NOTCH1: variants seen among roughly 807,000 people sequenced by gnomAD.
NOTCH1 encodes the protein neurogenic locus notch homolog protein 1.
A neutral mutation model predicts 254.8 loss-of-function variants in NOTCH1; 37 were observed. The observed-to-expected ratio is 0.15, with a 90% CI of 0.11 to 0.19. The LOEUF is 0.19. NOTCH1 is among the 10% of genes least tolerant of loss of function. The probability of loss-of-function intolerance (pLI) is 1.00; values close to 1 mark genes in which losing one functional copy is unlikely to be tolerated. For missense variants in NOTCH1, 2,972 were observed against 3,708.6 expected (o/e 0.80, Z 5.16); for synonymous variants, 1,731 against 1,618.1 (o/e 1.07, Z -1.68).
chr9:136,522,363 C>T (rs7048814), intron 4 of NOTCH1, among the ~76,000 whole-genome samples: 87,156 of 152,076 alleles, frequency 0.57, 26,992 homozygotes, highest in East Asian at 0.9. Flanking sequence ...GAGGCTCCTA[C>T]GTACAACACG....
At position 136,500,425 on chromosome 9, in the gene NOTCH1, C is replaced by T. The variant is rs1842977103; in HGVS notation, c.5934+127G>A. Reference sequence around the variant, plus strand: ...TGACTGCGAAGGTCCCAGGTGGAGGCACCAGTTGTCCCGGACTCAGCTGTG... The same window carrying T: ...TGACTGCGAAGGTCCCAGGTGGAGGTACCAGTTGTCCCGGACTCAGCTGTG... On this transcript the variant is annotated intron_variant, in intron 31 of 33. Coordinates refer to ENST00000651671, the MANE Select transcript of NOTCH1 (RefSeq NM_017617.5). 4.9e-5 allele frequency: 57 copies of T among 1,169,914 alleles called. 1 individual carries two copies. The South Asian group carries it at 6.8e-4, about 14-fold the overall frequency. 72.5% of individuals were successfully genotyped at this position (1,169,914 alleles called of 1,614,324 possible). A position where few individuals can be genotyped will look rare whatever the true frequency, so the allele number is the denominator to read the frequency against.
At chr9:136,519,778 G>A (rs1843337816) in intron 4 of NOTCH1, among the ~76,000 whole-genome samples, 1 of 152,244 alleles carries the variant, frequency 6.6e-6, no homozygotes, top group Admixed American at 6.5e-5. Context: ...GCTAAACAGG[G>A]ACTCAGGAAC....
intron 2 of NOTCH1, among the ~76,000 whole-genome samples, chr9:136,535,969 G>A (rs1843649131): frequency 1.4e-5 from 2 of 143,706 alleles, no homozygotes; most frequent in Admixed American, 7.2e-5. Flanking sequence ...ATCCCTCCTG[G>A]GGCAATGGGT....
At chr9:136,502,752 T>C (rs1288027949) in intron 27 of NOTCH1, 4 of 572,152 alleles carry the variant, frequency 7.0e-6, no homozygotes, top group Non-Finnish European at 1.2e-5. Flanking sequence ...TTAGTCAACT[T>C]CAAATCGCTG....
Position 136,523,196 on chromosome 9 carries a change from C to G in NOTCH1, c.404-8G>C, listed in dbSNP as rs1259109530. ...CCTGCTGGCACGATTTCCCTGGAGA[C>G]AAGGGGACAAGAGGGTCGTGCTGGC... On this transcript the variant is annotated splice_polypyrimidine_tract_variant and splice_region_variant and intron_variant, in intron 3 of 33. Transcript: ENST00000651671. The G allele has an allele frequency of 6.3e-7, 1 of 1,592,628 alleles. No individual in the cohort carries two copies. The highest frequency in any genetic ancestry group is 1.1e-5 in the South Asian group (1 of 87,898).
intron 2 of NOTCH1, among the ~76,000 whole-genome samples, chr9:136,527,748 C>A (rs1405061237): frequency 5.3e-5 from 8 of 152,214 alleles, no homozygotes; most frequent in Non-Finnish European, 1.0e-4. Context: ...CTGTCCCATC[C>A]CCCACGCTCA....
Position 136,500,843 on chromosome 9 carries a change from G to T in NOTCH1, c.5643C>A (p.Gly1881=). The change falls in exon 31 of 34, where the codon GGC becomes GGA. Residue 1881 remains glycine, a synonymous_variant. Coordinates refer to ENST00000651671, the MANE Select transcript of NOTCH1 (RefSeq NM_017617.5). ...CMDVNVRGPD[G]FTPLMIASCS... ...AGGAGGCGATCATGAGCGGGGTGAA[G>T]CCATCTGCAGAGGCAGAGACGGGTG... The T allele has an allele frequency of 6.3e-7, 1 of 1,592,526 alleles. No homozygotes were observed.
chr9:136,545,742 G>C lies in NOTCH1; in HGVS notation c.45C>G (p.Pro15=), dbSNP rs764936481. The part of the protein sequence containing the change: ...LAPLLCLALL[P]ALAARGPRCS... ...GGCGCCTACCTCGTGCGGCGAGCGC[G>C]GGCAGCAGCGCCAGGCAGAGCAGGG... Residue 15 remains proline, a synonymous_variant, in exon 1 of 34, where the codon CCC becomes CCG. Coordinates refer to ENST00000651671, the MANE Select transcript of NOTCH1 (RefSeq NM_017617.5). The surrounding 1 kb of genome is among the most constrained non-coding windows in gnomAD (Gnocchi z 6.8). 33 of 1,423,884 alleles carry C rather than the reference G, an allele frequency of 2.3e-5. 1 individual carries two copies. The South Asian group carries it at 4.6e-4, about 20-fold the overall frequency. 88.2% of individuals were successfully genotyped at this position (1,423,884 alleles called of 1,614,324 possible).
chr9:136,518,447 A>C lies in NOTCH1; in HGVS notation c.1099+144T>G, dbSNP rs1309028355. 3.5e-6 allele frequency: 4 copies of C among 1,135,752 alleles called. No homozygotes were observed. The Admixed American group carries it at 8.0e-5, about 23-fold the overall frequency. The allele number at this position is 1,135,752 out of a possible 1,614,324, so 70.4% of individuals were successfully genotyped here. A position where few individuals can be genotyped will look rare whatever the true frequency, so the allele number is the denominator to read the frequency against. On this transcript the variant is annotated intron_variant, in intron 6 of 33. Coordinates refer to ENST00000651671, the MANE Select transcript of NOTCH1 (RefSeq NM_017617.5). Reference sequence around the variant, plus strand: ...ACACTTGGGACGTTCCGGGGGACTCACAGCGACCACCGGCCTCCCTGACCA... The same window carrying C: ...ACACTTGGGACGTTCCGGGGGACTCCCAGCGACCACCGGCCTCCCTGACCA...
At chr9:136,499,980 T>C (rs951964510) in intron 31 of NOTCH1, among the ~76,000 whole-genome samples, 5 of 152,192 alleles carry the variant, frequency 3.3e-5, no homozygotes, top group African/African-American at 1.2e-4. Context: ...TGAACCTGCT[T>C]GCTCCAGGGC....
chr9:136,521,199 GC>G (rs1288178531), intron 4 of NOTCH1, among the ~76,000 whole-genome samples: 1 of 152,108 alleles, frequency 6.6e-6, no homozygotes, highest in East Asian at 1.9e-4. Context: ...ATTTGGGGAG[GC>G]CCCCGGATGG....
At chr9:136,515,841 T>C in intron 10 of NOTCH1, 125 bp from the exon 11 acceptor site, 1 of 1,122,022 alleles carries the variant, frequency 8.9e-7, no homozygotes, top group Non-Finnish European at 1.2e-6. Context: ...TCCCACCTAC[T>C]CAGGATTGGG....
intron 22 of NOTCH1, 44 bp from the exon 23 acceptor site, chr9:136,507,017 C>G (rs192608210): frequency 6.3e-7 from 1 of 1,585,376 alleles, no homozygotes; most frequent in Non-Finnish European, 8.6e-7. Context: ...CGCCACACCC[C>G]GGCCCTGCCG....
chr9:136,541,412 G>A (rs1044663101), intron 2 of NOTCH1, among the ~76,000 whole-genome samples: 2 of 152,178 alleles, frequency 1.3e-5, no homozygotes, highest in African/African-American at 2.4e-5. Context: ...CTTCTACAGC[G>A]GAGGCAGCAA....
chr9:136,531,621 T>G (rs1589077461), intron 2 of NOTCH1, among the ~76,000 whole-genome samples: 1 of 151,786 alleles, frequency 6.6e-6, no homozygotes, highest in African/African-American at 2.4e-5. Context: ...CCTTCCTTCC[T>G]CCCGCCCAGC....
Position 136,515,986 on chromosome 9 carries a change from G to A in NOTCH1, c.1664C>T (p.Thr555Met), listed in dbSNP as rs746796894. 1.2e-5 allele frequency: 19 copies of A among 1,609,812 alleles called. No homozygotes were observed. Among genetic ancestry groups the A allele is most frequent in the African/African-American group, 1.1e-4 (8 of 74,906 alleles). ...DGPNTYTCVC[T>M]EGYTGTHCEV... ...TGGTGGGCGCCAGCCCGCACCTTCC[G>A]TGCACACACAGGTGTAAGTGTTGGG... The change falls in exon 10 of 34, where the codon ACG (threonine) becomes ATG (methionine). Residue 555 changes from threonine to methionine, a missense_variant. Coordinates refer to ENST00000651671, the MANE Select transcript of NOTCH1 (RefSeq NM_017617.5).
At chr9:136,528,852 G>A (rs143663528) in intron 2 of NOTCH1, among the ~76,000 whole-genome samples, 2 of 152,222 alleles carry the variant, frequency 1.3e-5, no homozygotes, top group Non-Finnish European at 2.9e-5. Context: ...CTTCTCCCCA[G>A]ACACCCCCAA....
chr9:136,524,047 G>A (rs1227427312), intron 2 of NOTCH1, 68 bp from the exon 3 acceptor site: 13 of 1,527,126 alleles, frequency 8.5e-6, no homozygotes, highest in Middle Eastern at 4.0e-4. Flanking sequence ...ACTCAGCACC[G>A]GGAACCTGTC....
At position 136,494,522 on chromosome 9, in the gene NOTCH1, A is replaced by G; in HGVS notation, c.*1549T>C. The G allele has an allele frequency of 2.5e-6, 1 of 399,068 alleles. No homozygotes were observed. The allele number at this position is 399,068 out of a possible 1,614,324, so 24.7% of individuals were successfully genotyped here. ...ATACATCATCTACAGTTCCTCATGT[A>G]GATCACTTTTAAAGTCTTTTTCTGT... On this transcript the variant is annotated 3_prime_UTR_variant, in exon 34 of 34. Coordinates refer to ENST00000651671, the MANE Select transcript of NOTCH1 (RefSeq NM_017617.5).
Sources: gnomAD v4.1 joint callset for allele counts (sites outside exome capture counted in the v4.1 genomes callset) on GRCh38, gnomAD v4.1.1 for gene constraint, Gnocchi (gnomAD v3.1) non-coding constraint, MANE v1.5 for transcripts, NCBI Gene and HGNC (gene_info 2026-07-23, HGNC 2026-07-21) for gene names.